Variants in ARHGAP42 observed in about 807,000 individuals in gnomAD.
ARHGAP42 encodes the protein rho GTPase-activating protein 42.
ARHGAP42 carries 63 observed loss-of-function variants against 125.0 expected under a neutral mutation model. The observed-to-expected ratio is 0.50, with a 90% CI of 0.41 to 0.62. The LOEUF (loss-of-function observed/expected upper bound fraction) is 0.62. Among genes scored for constraint, ARHGAP42 ranks in the 20% least tolerant of loss-of-function variants. The pLI, the probability that ARHGAP42 is intolerant of heterozygous loss-of-function variation, is 0.00. For missense variants in ARHGAP42, 766 were observed against 1,024.2 expected, an observed-to-expected ratio of 0.75 and a Z score of 3.44; for synonymous variants, 339 against 351.0, an observed-to-expected ratio of 0.97 and a Z score of 0.38.
At chr11:100,899,316 C>T (rs1866459705) in intron 4 of ARHGAP42, among the ~76,000 whole-genome samples, 2 of 152,152 alleles carry the variant, frequency 1.3e-5, no homozygotes, top group Admixed American at 1.3e-4. Context: ...AACGAATATT[C>T]TGTTGATTTG....
At chr11:100,850,280 C>G (rs1865171573) in intron 3 of ARHGAP42, among the ~76,000 whole-genome samples, 1 of 152,138 alleles carries the variant, frequency 6.6e-6, no homozygotes, top group African/African-American at 2.4e-5. Context: ...CTACGTGGTT[C>G]CACTGTAACT....
Position 100,979,028 on chromosome 11 carries a change from C to A in ARHGAP42, c.2435C>A (p.Pro812His), listed in dbSNP as rs2135324772. 1 of 1,551,476 alleles carries A rather than the reference C, an allele frequency of 6.4e-7. No individual in the cohort carries two copies. Among genetic ancestry groups the A allele is most frequent in the South Asian group, 1.2e-5 (1 of 84,052 alleles). The change falls in exon 22 of 24, where the codon CCT (proline) becomes CAT (histidine). Residue 812 changes from proline (P) to histidine (H), a missense_variant. Pro to His is a moderately conservative substitution (Grantham distance 77). This residue lies in a region of ARHGAP42 where 308 missense variants were observed against 369.7 expected (regional missense o/e 0.83). Transcript: ENST00000298815. ...KAQLFENVGS[P>H]KPVSSGRQAK... ...CAACTGTTTGAAAATGTTGGTTCACCTAAACCAGTTTCTTCTGGGCGGTAA... is the reference window on the plus strand; with the variant it reads ...CAACTGTTTGAAAATGTTGGTTCACATAAACCAGTTTCTTCTGGGCGGTAA...
At chr11:100,805,738 T>C (rs1208741669) in intron 3 of ARHGAP42, among the ~76,000 whole-genome samples, 1 of 152,174 alleles carries the variant, frequency 6.6e-6, no homozygotes, top group Non-Finnish European at 1.5e-5. Context: ...TTTTAGACCA[T>C]GTAGGGTAAC....
intron 2 of ARHGAP42, among the ~76,000 whole-genome samples, chr11:100,786,590 C>T (rs935257567): frequency 6.6e-6 from 1 of 152,074 alleles, no homozygotes; most frequent in Admixed American, 6.6e-5. Context: ...TATAGTTTGG[C>T]AGCTGCAGAG....
intron 4 of ARHGAP42, among the ~76,000 whole-genome samples, chr11:100,875,755 G>A (rs1565254156): frequency 1.9e-5 from 2 of 105,416 alleles, no homozygotes; most frequent in African/African-American, 7.5e-5. Flanking sequence ...GCCACGTCCA[G>A]GGTGGCGGGG....
chr11:100,775,818 T>C (rs1162346242), intron 2 of ARHGAP42, among the ~76,000 whole-genome samples: 2 of 152,216 alleles, frequency 1.3e-5, no homozygotes, highest in Non-Finnish European at 2.9e-5. Context: ...TTTGAAATCA[T>C]TTTAAATCAA....
At chr11:100,757,147 A>AG (rs1256195446) in intron 1 of ARHGAP42, among the ~76,000 whole-genome samples, 1 of 152,210 alleles carries the variant, frequency 6.6e-6, no homozygotes. Flanking sequence ...AAAATGGTAA[A>AG]TAAGACATGA....
chr11:100,816,823 T>C (rs1206632031), intron 3 of ARHGAP42: 3 of 152,128 alleles, frequency 2.0e-5, no homozygotes, highest in African/African-American at 7.2e-5. Flanking sequence ...AACTGGAGCT[T>C]GGATGAGGAT....
chr11:100,887,811 A>G (rs1866127765), intron 4 of ARHGAP42, among the ~76,000 whole-genome samples: 1 of 152,172 alleles, frequency 6.6e-6, no homozygotes, highest in Non-Finnish European at 1.5e-5. Flanking sequence ...AGGCAGCCCA[A>G]ATCTAGTGGT....
At chr11:100,750,658 G>A (rs77646478) in intron 1 of ARHGAP42, among the ~76,000 whole-genome samples, 1 of 151,870 alleles carries the variant, frequency 6.6e-6, no homozygotes, top group Non-Finnish European at 1.5e-5. Flanking sequence ...GTGGTTTGGC[G>A]GGAAAAATGG....
intron 3 of ARHGAP42, among the ~76,000 whole-genome samples, chr11:100,818,028 A>T (rs771514007): frequency 2.0e-5 from 3 of 152,188 alleles, no homozygotes; most frequent in Non-Finnish European, 4.4e-5. Flanking sequence ...AACCATTCAT[A>T]TTGGCTCCAA....
chr11:100,948,647 TA>T, intron 11 of ARHGAP42, 112 bp downstream of exon 11: 3 of 835,862 alleles, frequency 3.6e-6, no homozygotes, highest in South Asian at 2.9e-5. Context: ...TTGAAAATAT[TA>T]AAAAAGGAAA....
chr11:100,943,044 T>A (rs1198215452), intron 9 of ARHGAP42, among the ~76,000 whole-genome samples: 1 of 152,042 alleles, frequency 6.6e-6, no homozygotes, highest in Non-Finnish European at 1.5e-5. Context: ...CAAAAGAGAA[T>A]TCCTATGAAT....
intron 1 of ARHGAP42, among the ~76,000 whole-genome samples, chr11:100,715,706 C>T (rs181722698): frequency 1.4e-4 from 22 of 152,170 alleles, no homozygotes; most frequent in African/African-American, 4.8e-4. Context: ...ATAGTATTGG[C>T]GAGGTATTTA....
chr11:100,794,157 C>T (rs1237663682), intron 2 of ARHGAP42, among the ~76,000 whole-genome samples: 1 of 124,562 alleles, frequency 8.0e-6, no homozygotes, highest in Non-Finnish European at 1.7e-5. Context: ...GTGACCCAAA[C>T]ATTCTAACTT....
At chr11:100,689,570 G>C (rs531884305) in intron 1 of ARHGAP42, among the ~76,000 whole-genome samples, 49 of 152,302 alleles carry the variant, frequency 3.2e-4, no homozygotes, top group African/African-American at 1.1e-3. Flanking sequence ...CTTTGTAAAA[G>C]TCAGGTGATT....
chr11:100,789,477 T>C (rs1265120815), intron 2 of ARHGAP42, among the ~76,000 whole-genome samples: 1 of 152,178 alleles, frequency 6.6e-6, no homozygotes, highest in Non-Finnish European at 1.5e-5. Context: ...TTACTCTCTC[T>C]CTGGGCATGA....
intron 2 of ARHGAP42, among the ~76,000 whole-genome samples, chr11:100,771,547 C>T (rs1298130584): frequency 1.3e-5 from 2 of 151,920 alleles, no homozygotes; most frequent in East Asian, 1.9e-4. Flanking sequence ...ACTACAAACA[C>T]TTAAGAACAG....
At chr11:100,895,632 G>A (rs936631611) in intron 4 of ARHGAP42, among the ~76,000 whole-genome samples, 2 of 151,832 alleles carry the variant, frequency 1.3e-5, no homozygotes, top group African/African-American at 4.8e-5. Flanking sequence ...AGGAGAAGGA[G>A]TGCCAGGTGT....
Sources: allele counts gnomAD v4.1 joint callset (sites outside exome capture counted in the v4.1 genomes callset), GRCh38; gene constraint gnomAD v4.1.1; regional missense constraint gnomAD v4.1.1; transcripts MANE v1.5; gene names NCBI Gene and HGNC (gene_info 2026-07-23, HGNC 2026-07-21).